Variants in LNX1 observed in about 807,000 individuals in gnomAD.
The protein encoded by LNX1 is ligand of numb-protein X 1.
A neutral mutation model predicts 68.4 loss-of-function variants in LNX1; 54 were observed. That is an observed-to-expected ratio of 0.79 (90% CI 0.63 to 0.99). The LOEUF is 0.99. Among genes scored for constraint, LNX1 ranks in the 50% least tolerant of loss-of-function variants. The pLI, the probability that LNX1 is intolerant of heterozygous loss-of-function variation, is 0.00. For missense variants in LNX1, 906 were observed against 926.4 expected, an observed-to-expected ratio of 0.98 and a Z score of 0.29; for synonymous variants, 336 against 350.0, an observed-to-expected ratio of 0.96 and a Z score of 0.45.
chr4:53,599,512 G>C (rs1409297612), intron 2 of LNX1, among the ~76,000 whole-genome samples: 1 of 152,176 alleles, frequency 6.6e-6, no homozygotes, highest in African/African-American at 2.4e-5. Context: ...TCTGTCTATG[G>C]AGTAGCCGTT....
At chr4:53,486,004 T>C (rs1724265869) in intron 6 of LNX1, among the ~76,000 whole-genome samples, 2 of 152,312 alleles carry the variant, frequency 1.3e-5, no homozygotes, top group East Asian at 3.9e-4. Context: ...AAGGATGGTT[T>C]AACAATGGTG....
intron 9 of LNX1, among the ~76,000 whole-genome samples, chr4:53,462,109 A>AAGTC (rs1379564007): frequency 2.6e-5 from 4 of 152,110 alleles, no homozygotes; most frequent in African/African-American, 7.2e-5. Context: ...TACGTTTGAT[A>AAGTC]AGTCATAGAG....
intron 9 of LNX1, among the ~76,000 whole-genome samples, chr4:53,474,746 A>T (rs1723450617): frequency 6.7e-6 from 1 of 150,010 alleles, no homozygotes; most frequent in Non-Finnish European, 1.5e-5. Flanking sequence ...ATTTAGAGGA[A>T]ATGAGCAAAG....
At chr4:53,518,316 T>C (rs903519696) in intron 2 of LNX1, among the ~76,000 whole-genome samples, 2 of 152,184 alleles carry the variant, frequency 1.3e-5, no homozygotes, top group Admixed American at 6.5e-5. Context: ...TGAGACACAC[T>C]GGCTAGTCTC....
At chr4:53,536,204 G>A (rs11723168) in intron 2 of LNX1, among the ~76,000 whole-genome samples, 66,539 of 152,066 alleles carry the variant, frequency 0.44, 16,730 homozygotes, top group Non-Finnish European at 0.56. Context: ...CTCTCCATCT[G>A]TGAATACACT....
chr4:53,487,516 C>T (rs1724388187), intron 6 of LNX1, among the ~76,000 whole-genome samples: 1 of 152,002 alleles, frequency 6.6e-6, no homozygotes, highest in South Asian at 2.1e-4. Flanking sequence ...GAGTTGCCAC[C>T]CTCTCCCCAC....
At chr4:53,469,373 T>C (rs1192454968) in intron 9 of LNX1, among the ~76,000 whole-genome samples, 4 of 150,842 alleles carry the variant, frequency 2.7e-5, no homozygotes, top group African/African-American at 9.8e-5. Flanking sequence ...CACTGAATGC[T>C]CACAAGAGAA....
intron 4 of LNX1, among the ~76,000 whole-genome samples, chr4:53,501,506 A>G (rs1236207855): frequency 1.3e-5 from 2 of 152,000 alleles, no homozygotes; most frequent in Non-Finnish European, 2.9e-5. Context: ...GCTGGTCTCA[A>G]ACTCCTGGGC....
intron 2 of LNX1, among the ~76,000 whole-genome samples, chr4:53,562,054 C>G (rs771443063): frequency 4.6e-5 from 7 of 152,210 alleles, no homozygotes; most frequent in Non-Finnish European, 1.0e-4. Context: ...GAAATCACAA[C>G]TTATTTTTCT....
chr4:53,591,494 C>A (rs1336448223), upstream of LNX1: 2 of 985,624 alleles, frequency 2.0e-6, no homozygotes, highest in East Asian at 2.3e-4. Flanking sequence ...TGTGACCAGC[C>A]TCAACTTCGG....
At chr4:53,639,944 A>G (rs1395454213) in intron 1 of LNX1, among the ~76,000 whole-genome samples, 1 of 152,120 alleles carries the variant, frequency 6.6e-6, no homozygotes. Flanking sequence ...GAGGCACAAA[A>G]ATTGCTTGAA....
chr4:53,593,426 T>C (rs576091248), upstream of LNX1, among the ~76,000 whole-genome samples: 3 of 152,356 alleles, frequency 2.0e-5, no homozygotes, highest in South Asian at 6.2e-4. Context: ...CCGAACAGCC[T>C]GGAGATCGTG....
At chr4:53,592,433 C>T (rs1732551540), upstream of LNX1, among the ~76,000 whole-genome samples, 4 of 152,290 alleles carry the variant, frequency 2.6e-5, no homozygotes, top group South Asian at 8.3e-4. Context: ...CTGTTAAACT[C>T]TCTGGCATCT....
chr4:53,462,808 C>T (rs965430724), intron 9 of LNX1, among the ~76,000 whole-genome samples: 9 of 152,136 alleles, frequency 5.9e-5, no homozygotes, highest in African/African-American at 2.2e-4. Context: ...GTATGAATTT[C>T]ATTAAATTTC....
At chr4:53,609,865 G>A (rs1733408867) in intron 2 of LNX1, among the ~76,000 whole-genome samples, 1 of 146,994 alleles carries the variant, frequency 6.8e-6, no homozygotes, top group Non-Finnish European at 1.5e-5. Flanking sequence ...AATTTAGATA[G>A]CATTATATAT....
chr4:53,527,555 C>T (rs1483944787), intron 2 of LNX1, among the ~76,000 whole-genome samples: 1 of 152,226 alleles, frequency 6.6e-6, no homozygotes, highest in Non-Finnish European at 1.5e-5. Context: ...GGGCAGGCTC[C>T]AGCCTCCTTT....
intron 2 of LNX1, among the ~76,000 whole-genome samples, chr4:53,541,832 C>A (rs1018307359): frequency 1.3e-5 from 2 of 152,158 alleles, no homozygotes; most frequent in African/African-American, 4.8e-5. Context: ...TTAAACCCTG[C>A]AGTGCTAAAC....
chr4:53,624,190 C>T (rs193284535), intron 1 of LNX1, among the ~76,000 whole-genome samples: 2 of 152,268 alleles, frequency 1.3e-5, no homozygotes, highest in Admixed American at 6.5e-5. Flanking sequence ...TTATACCTTT[C>T]CAATCATTAG....
chr4:53,648,837 G>A lies in LNX1; in HGVS notation c.-215+3331C>T, dbSNP rs549548569. Among the ~76,000 whole-genome samples the A allele has an allele frequency of 2.6e-5, 4 of 152,286 alleles. No homozygotes were observed. In the South Asian group the frequency reaches 8.3e-4, roughly 32 times the overall value. On this transcript the variant is annotated intron_variant, in intron 1 of 2. Transcript: ENST00000507168. ...ACATTCATGGTGCAGAATTGCTTTA[G>A]TGATAATTGAATTTCCCTCCAGCTT... is the stretch of plus-strand genomic sequence containing the variant.
Sources: allele counts gnomAD v4.1 joint callset (sites outside exome capture counted in the v4.1 genomes callset), GRCh38; gene constraint gnomAD v4.1.1; transcripts MANE v1.5; gene names NCBI Gene and HGNC (gene_info 2026-07-23, HGNC 2026-07-21).